The following SPEF2 variants were observed in gnomAD, a reference collection of about 807,000 sequenced individuals.
SPEF2 encodes sperm flagella and cilia-associated protein 2.
SPEF2 carries 187 observed loss-of-function variants against 224.6 expected under a neutral mutation model. That is an observed-to-expected ratio of 0.83 (90% CI 0.74 to 0.94). The LOEUF (loss-of-function observed/expected upper bound fraction) is 0.94, where lower values mean the gene tolerates loss of function less well. Among genes scored for constraint, SPEF2 ranks in the 40% least tolerant of loss-of-function variants. The pLI, the probability that SPEF2 is intolerant of heterozygous loss-of-function variation, is 0.00. For missense variants in SPEF2, 2,170 were observed against 2,135.6 expected, an observed-to-expected ratio of 1.02 and a Z score of -0.32; for synonymous variants, 715 against 707.3, an observed-to-expected ratio of 1.01 and a Z score of -0.17.
intron 20 of SPEF2, among the ~76,000 whole-genome samples, chr5:35,722,389 T>A (rs1468763915): frequency 6.6e-6 from 1 of 151,902 alleles, no homozygotes; most frequent in Non-Finnish European, 1.5e-5. Flanking sequence ...TCATGGGGGT[T>A]GGGGACTTGG....
chr5:35,812,752 G>GA (rs1378548565), intron 36 of SPEF2, among the ~76,000 whole-genome samples: 2 of 152,138 alleles, frequency 1.3e-5, no homozygotes, highest in African/African-American at 4.8e-5. Context: ...AATATCACCA[G>GA]AAAATATCTT....
At chr5:35,774,404 T>G (rs1400289162) in intron 28 of SPEF2, among the ~76,000 whole-genome samples, 3 of 152,190 alleles carry the variant, frequency 2.0e-5, no homozygotes, top group Non-Finnish European at 4.4e-5. Context: ...GTAAGTGGTT[T>G]TATATTACAG....
At position 35,654,694 on chromosome 5, in the gene SPEF2, A is replaced by G. The variant is rs1032648826; in HGVS notation, c.946A>G (p.Met316Val). 27 of 1,611,588 alleles carry G rather than the reference A, an allele frequency of 1.7e-5. No homozygotes were observed. Among genetic ancestry groups the G allele is most frequent in the Non-Finnish European group, 2.0e-5 (24 of 1,179,558 alleles). Residue 316 changes from methionine to valine, a missense_variant, in exon 7 of 37, where the codon ATG becomes GTG. Met to Val is a conservative substitution (Grantham distance 21, BLOSUM62 1). Coordinates refer to ENST00000356031, the MANE Select transcript of SPEF2 (RefSeq NM_024867.4). ...QREKRRRKLL[M>V]DQLIAHEAQE... is the part of the protein sequence containing the mutation. Reference sequence around the variant, plus strand: ...GGAGAAAAGACGGCGGAAATTGTTAATGGACCAGTTAATAGCCCACGAAGC... The same window carrying G: ...GGAGAAAAGACGGCGGAAATTGTTAGTGGACCAGTTAATAGCCCACGAAGC...
At chr5:35,712,574 G>A (rs998104937) in intron 19 of SPEF2, among the ~76,000 whole-genome samples, 2 of 152,166 alleles carry the variant, frequency 1.3e-5, no homozygotes, top group African/African-American at 2.4e-5. Context: ...ATTAAAGTTA[G>A]GACTAAACAT....
intron 2 of SPEF2, among the ~76,000 whole-genome samples, chr5:35,640,810 T>C (rs1005127425): frequency 6.6e-6 from 1 of 152,192 alleles, no homozygotes; most frequent in African/African-American, 2.4e-5. Flanking sequence ...AGAACATGAA[T>C]TCAAGATATT....
At chr5:35,781,558 G>A (rs1205749709) in intron 30 of SPEF2, 1 of 152,152 alleles carries the variant, frequency 6.6e-6, no homozygotes, top group African/African-American at 2.4e-5. Flanking sequence ...AGTAGAAGAG[G>A]AGGCTTTCTC....
chr5:35,774,142 T>G, intron 28 of SPEF2, 121 bp downstream of exon 28: 1 of 1,319,492 alleles, frequency 7.6e-7, no homozygotes, highest in Non-Finnish European at 1.0e-6. Flanking sequence ...AGCAAAGAGG[T>G]TGAAAAGCAC....
At chr5:35,703,905 A>G (rs1179274597) in intron 16 of SPEF2, among the ~76,000 whole-genome samples, 1 of 152,186 alleles carries the variant, frequency 6.6e-6, no homozygotes, top group Non-Finnish European at 1.5e-5. Flanking sequence ...GTTCTCTTGC[A>G]TTGAGTAATT....
intron 16 of SPEF2, among the ~76,000 whole-genome samples, chr5:35,701,604 G>T (rs1298924550): frequency 6.6e-6 from 1 of 152,062 alleles, no homozygotes; most frequent in Admixed American, 6.6e-5. Flanking sequence ...ATTCTATAGG[G>T]GTCTGTGCCT....
Position 35,807,269 on chromosome 5 carries a change from A to G in SPEF2, c.5379+16A>G, listed in dbSNP as rs751022661. 6.2e-7 allele frequency: 1 copy of G among 1,604,268 alleles called. No individual in the cohort carries two copies. Among genetic ancestry groups the G allele is most frequent in the South Asian group, 1.1e-5 (1 of 88,734 alleles). On this transcript the variant is annotated intron_variant, in intron 36 of 36. Coordinates refer to ENST00000356031, the MANE Select transcript of SPEF2 (RefSeq NM_024867.4). The stretch of plus-strand genomic sequence containing the variant: ...TAAGTTTCCTGTGAGTATTACCCCA[A>G]AGTGCTCTAATTTGGTTGGGCTCCA...
At chr5:35,656,044 T>A (rs998855848) in intron 7 of SPEF2, among the ~76,000 whole-genome samples, 9 of 152,132 alleles carry the variant, frequency 5.9e-5, no homozygotes, top group African/African-American at 2.2e-4. Context: ...TCAATAAGAC[T>A]TATTGATTCA....
Position 35,628,480 on chromosome 5 carries a change from G to A in SPEF2, c.79G>A (p.Ala27Thr). 1 of 1,613,578 alleles carries A rather than the reference G, an allele frequency of 6.2e-7. No individual in the cohort carries two copies. The highest frequency in any genetic ancestry group is 1.1e-5 in the South Asian group (1 of 91,022). Reference sequence around the variant, plus strand: ...CTCAGGTCCCAAGTCATTTGCAAAGGCATTTTCCAGTGGCTATCTACTTGG... The same window carrying A: ...CTCAGGTCCCAAGTCATTTGCAAAGACATTTTCCAGTGGCTATCTACTTGG... ...RTVSPKSFAK[A>T]FSSGYLLGEV... Residue 27 changes from alanine to threonine, a missense_variant, in exon 2 of 37, where the codon GCA (alanine) becomes ACA (threonine). Transcript: ENST00000356031.
chr5:35,644,561 G>T, intron 4 of SPEF2, 36 bp downstream of exon 4: 1 of 1,517,156 alleles, frequency 6.6e-7, no homozygotes, highest in South Asian at 1.3e-5. Flanking sequence ...ATTCATTAGT[G>T]CATAGTATAC....
At chr5:35,733,031 C>T (rs1349886989) in intron 21 of SPEF2, among the ~76,000 whole-genome samples, 3 of 152,062 alleles carry the variant, frequency 2.0e-5, no homozygotes, top group Non-Finnish European at 4.4e-5. Context: ...TCAGGCATCC[C>T]CTGTGGGTCT....
intron 34 of SPEF2, 43 bp from the exon 35 acceptor site, chr5:35,806,664 A>T (rs753870087): frequency 4.4e-6 from 7 of 1,575,852 alleles, no homozygotes; most frequent in Non-Finnish European, 6.0e-6. Flanking sequence ...TTGGTGGAAA[A>T]AACTTCAGTT....
intron 30 of SPEF2, among the ~76,000 whole-genome samples, chr5:35,791,763 A>G (rs1755992180): frequency 6.6e-6 from 1 of 152,160 alleles, no homozygotes; most frequent in South Asian, 2.1e-4. Flanking sequence ...GTAGTCTTTC[A>G]TGAAATACTT....
At chr5:35,639,216 G>A (rs1247916120) in intron 2 of SPEF2, among the ~76,000 whole-genome samples, 1 of 152,110 alleles carries the variant, frequency 6.6e-6, no homozygotes, top group Non-Finnish European at 1.5e-5. Flanking sequence ...ATACTACAAA[G>A]GACTAACTTT....
At chr5:35,624,698 G>A (rs748147449) in intron 1 of SPEF2, among the ~76,000 whole-genome samples, 12 of 152,112 alleles carry the variant, frequency 7.9e-5, no homozygotes, top group Admixed American at 2.6e-4. Context: ...GTGCAGTGGC[G>A]CAATCTCAAC....
At chr5:35,749,076 C>G (rs868454121) in intron 23 of SPEF2, among the ~76,000 whole-genome samples, 1 of 151,950 alleles carries the variant, frequency 6.6e-6, no homozygotes, top group African/African-American at 2.4e-5. Flanking sequence ...GAATTAAAAA[C>G]AAAAATATGT....
Sources: allele counts gnomAD v4.1 joint callset (sites outside exome capture counted in the v4.1 genomes callset), GRCh38; gene constraint gnomAD v4.1.1; transcripts MANE v1.5; gene names NCBI Gene and HGNC (gene_info 2026-07-23, HGNC 2026-07-21).